NEBL: variants seen among roughly 807,000 people sequenced by gnomAD.
NEBL encodes nebulette.
NEBL carries 122 observed loss-of-function variants against 140.2 expected under a neutral mutation model. The observed-to-expected ratio is 0.87, with a 90% CI of 0.75 to 1.01. The LOEUF is 1.01. NEBL is among the 50% of genes least tolerant of loss of function. The pLI is 0.00. For synonymous variants in NEBL, 436 were observed against 398.9 expected (o/e 1.09, Z -1.11); for missense variants, 1,365 against 1,231.3 (o/e 1.11, Z -1.62).
At chr10:21,051,019 G>A (rs2131852641) in intron 2 of NEBL, among the ~76,000 whole-genome samples, 1 of 152,240 alleles carries the variant, frequency 6.6e-6, no homozygotes, top group South Asian at 2.1e-4. Flanking sequence ...ATGTGTGTAT[G>A]GAATGTACAG....
At chr10:20,946,399 AAAT>A (rs1197628253) in intron 4 of NEBL, among the ~76,000 whole-genome samples, 1 of 152,180 alleles carries the variant, frequency 6.6e-6, no homozygotes, top group Non-Finnish European at 1.5e-5. Flanking sequence ...GAGGTTTTTC[AAAT>A]ATTCCATTTC....
At chr10:20,945,480 T>G (rs1835109680) in intron 4 of NEBL, among the ~76,000 whole-genome samples, 1 of 152,184 alleles carries the variant, frequency 6.6e-6, no homozygotes. Context: ...AGAAAAAGCA[T>G]CAACCCTTAA....
At chr10:20,972,609 T>C (rs913448917) in intron 3 of NEBL, among the ~76,000 whole-genome samples, 3 of 151,996 alleles carry the variant, frequency 2.0e-5, no homozygotes, top group South Asian at 2.1e-4. Context: ...TAGCTGGGCA[T>C]GGCAGTGCGC....
intron 2 of NEBL, among the ~76,000 whole-genome samples, chr10:21,158,065 A>G (rs966891700): frequency 6.6e-6 from 1 of 152,224 alleles, no homozygotes; most frequent in Non-Finnish European, 1.5e-5. Context: ...GTGAGACAAC[A>G]AATGTCTGTT....
intron 2 of NEBL, among the ~76,000 whole-genome samples, chr10:21,031,644 T>G (rs668045): frequency 0.97 from 147,088 of 152,338 alleles, 71,024 homozygotes; most frequent in East Asian, 0.99. Context: ...AGCTGCCACA[T>G]CAAGAACAGA....
intron 3 of NEBL, among the ~76,000 whole-genome samples, chr10:21,199,589 G>C (rs1589325977): frequency 6.6e-6 from 1 of 152,224 alleles, no homozygotes; most frequent in East Asian, 1.9e-4. Flanking sequence ...GTGATTCAGA[G>C]AAGTGACTGC....
chr10:21,259,950 G>A (rs951174871), intron 1 of NEBL, among the ~76,000 whole-genome samples: 7 of 152,170 alleles, frequency 4.6e-5, no homozygotes, highest in African/African-American at 1.7e-4. Context: ...AACCAAGAGA[G>A]AAGCCAACCT....
At position 20,815,642 on chromosome 10, in the gene NEBL, G is replaced by T; in HGVS notation, c.2224C>A (p.Gln742Lys). The T allele has an allele frequency of 6.2e-7, 1 of 1,610,302 alleles. No homozygotes were observed. Among genetic ancestry groups the T allele is most frequent in the South Asian group, 1.1e-5 (1 of 91,006 alleles). Residue 742 changes from glutamine (Q) to lysine (K), a missense_variant, in exon 22 of 28, where the codon CAA (glutamine) becomes AAA (lysine). Gln to Lys is a moderately conservative substitution (Grantham distance 53). Coordinates refer to ENST00000377122, the MANE Select transcript of NEBL (RefSeq NM_006393.3). Reference protein sequence around the residue: ...TPEMERVKKNQENISSVKYTQ... With the variant: ...TPEMERVKKNKENISSVKYTQ... The stretch of plus-strand genomic sequence containing the variant: ...CCACTTGCCGAGCTAATATTTTCTT[G>T]ATTCTTCTTCACTCTTTCCATTTCA...
intron 2 of NEBL, among the ~76,000 whole-genome samples, chr10:21,076,413 C>A (rs1478222374): frequency 1.0e-4 from 14 of 134,976 alleles, no homozygotes; most frequent in African/African-American, 4.0e-4. Flanking sequence ...CCACTGCACT[C>A]CAGTCTGGGC....
At chr10:20,930,571 T>C (rs762470407) in intron 4 of NEBL, among the ~76,000 whole-genome samples, 5 of 152,200 alleles carry the variant, frequency 3.3e-5, no homozygotes, top group Non-Finnish European at 7.3e-5. Context: ...CTGCCTAGTC[T>C]CTCCTACTAA....
At chr10:20,787,550 G>A (rs1192092572) in intron 26 of NEBL, among the ~76,000 whole-genome samples, 1 of 152,086 alleles carries the variant, frequency 6.6e-6, no homozygotes, top group Non-Finnish European at 1.5e-5. Flanking sequence ...AAATATTCTT[G>A]TGGCTCTATT....
chr10:20,974,261 T>C, intron 3 of NEBL, among the ~76,000 whole-genome samples: 1 of 151,562 alleles, frequency 6.6e-6, no homozygotes, highest in Non-Finnish European at 1.5e-5. Context: ...TCTTTTTTTT[T>C]TTTTTTCTTT....
chr10:20,798,223 G>A (rs1836765202), intron 26 of NEBL, among the ~76,000 whole-genome samples: 1 of 152,138 alleles, frequency 6.6e-6, no homozygotes, highest in Non-Finnish European at 1.5e-5. Context: ...CAAAGAGCCA[G>A]GGCCACAGAT....
At chr10:21,036,184 G>A (rs770113760) in intron 2 of NEBL, among the ~76,000 whole-genome samples, 1 of 152,006 alleles carries the variant, frequency 6.6e-6, no homozygotes, top group Non-Finnish European at 1.5e-5. Context: ...GAAAAGGACA[G>A]GCACAGTGGC....
At chr10:21,125,116 G>C (rs1397146265) in intron 2 of NEBL, among the ~76,000 whole-genome samples, 2 of 152,178 alleles carry the variant, frequency 1.3e-5, no homozygotes, top group Non-Finnish European at 2.9e-5. Context: ...GCAAAGAAGA[G>C]ACAGAATTGC....
chr10:21,216,720 G>C (rs963435507), intron 3 of NEBL, among the ~76,000 whole-genome samples: 1 of 148,744 alleles, frequency 6.7e-6, no homozygotes, highest in Non-Finnish European at 1.5e-5. Flanking sequence ...GTGGTGAGCC[G>C]AGATCGCACC....
intron 2 of NEBL, among the ~76,000 whole-genome samples, chr10:21,163,566 G>A (rs544108338): frequency 2.0e-5 from 3 of 152,168 alleles, no homozygotes; most frequent in South Asian, 2.1e-4. Context: ...TCTAACTCCC[G>A]CTCCACATCC....
rs368533483 is a variant in NEBL, at chr10:21,119,730, C to G, written c.164+52653G>C. On this transcript the variant is annotated intron_variant, in intron 2 of 6. Transcript: ENST00000417816. ...ATAATTATCACACTCAGGAAATTGA[C>G]CATTGATACAATATCATTATCTATT... 5.9e-5 allele frequency among the ~76,000 whole-genome samples: 9 copies of G among 152,100 alleles called. No individual in the cohort carries two copies. The East Asian group carries it at 1.5e-3, about 26-fold the overall frequency.
intron 3 of NEBL, among the ~76,000 whole-genome samples, chr10:20,995,595 G>T (rs559365879): frequency 6.6e-6 from 1 of 152,272 alleles, no homozygotes; most frequent in South Asian, 2.1e-4. Flanking sequence ...AAGATAAATA[G>T]GAGGACGCTG....
Sources: gnomAD v4.1 joint callset for allele counts (sites outside exome capture counted in the v4.1 genomes callset) on GRCh38, gnomAD v4.1.1 for gene constraint, MANE v1.5 for transcripts, NCBI Gene and HGNC (gene_info 2026-07-23, HGNC 2026-07-21) for gene names.